WDR72: variants seen among roughly 807,000 people sequenced by gnomAD.
WDR72 encodes WD repeat-containing protein 72.
WDR72 carries 120 observed loss-of-function variants against 124.2 expected under a neutral mutation model. The ratio of observed to expected loss-of-function variants is 0.97; its 90% CI spans 0.83 to 1.12. The LOEUF (loss-of-function observed/expected upper bound fraction) is 1.12, where lower values mean the gene tolerates loss of function less well. Among genes scored for constraint, WDR72 ranks in the 50% most tolerant of loss-of-function variants. The probability of loss-of-function intolerance (pLI) is 0.00; values close to 1 mark genes in which losing one functional copy is unlikely to be tolerated. For missense variants in WDR72, 1,387 were observed against 1,278.8 expected (o/e 1.08, Z -1.29); for synonymous variants, 452 against 441.7 (o/e 1.02, Z -0.29).
At chr15:53,762,153 C>T (rs145333715), upstream of WDR72, among the ~76,000 whole-genome samples, 359 of 152,176 alleles carry the variant, frequency 2.4e-3, 5 homozygotes, top group African/African-American at 8.2e-3. Context: ...TGATATCTGG[C>T]TTCCCAAATA....
At chr15:53,707,343 TAAG>T (rs1483280370) in intron 9 of WDR72, among the ~76,000 whole-genome samples, 1 of 151,986 alleles carries the variant, frequency 6.6e-6, no homozygotes, top group Non-Finnish European at 1.5e-5. Context: ...TCACAGAAAA[TAAG>T]AAACCAATCC....
chr15:53,709,590 A>C lies in WDR72; in HGVS notation c.954+1267T>G, dbSNP rs548723603. Among the ~76,000 whole-genome samples the C allele has an allele frequency of 5.3e-5, 8 of 152,360 alleles. No individual in the cohort carries two copies. The East Asian group carries it at 1.5e-3, about 29-fold the overall frequency. On this transcript the variant is annotated intron_variant, in intron 9 of 19. Transcript: ENST00000360509. ...AAATGCATTCAAAGCTAAGGAGGAA[A>C]GACCAGATCCTTTAAAAAATAACTG... is the stretch of plus-strand genomic sequence containing the variant.
intron 1 of WDR72, among the ~76,000 whole-genome samples, chr15:53,733,499 T>C (rs967053370): frequency 4.6e-5 from 7 of 152,176 alleles, no homozygotes; most frequent in Non-Finnish European, 8.8e-5. Flanking sequence ...TCAAGAAGCA[T>C]AGAGCTGTCT....
intron 18 of WDR72, among the ~76,000 whole-genome samples, chr15:53,582,070 C>T (rs1320750489): frequency 1.3e-5 from 2 of 151,956 alleles, no homozygotes; most frequent in Non-Finnish European, 2.9e-5. Context: ...CCTTCACCCT[C>T]TTCATACAGT....
chr15:53,714,580 A>T (rs1455767506), intron 5 of WDR72, 70 bp from the exon 6 acceptor site: 1 of 1,263,774 alleles, frequency 7.9e-7, no homozygotes, highest in Non-Finnish European at 1.2e-6. Flanking sequence ...ATCATTTCAC[A>T]GTCATTTAAG....
chr15:53,530,400 A>G, intron 18 of WDR72, among the ~76,000 whole-genome samples: 1 of 151,920 alleles, frequency 6.6e-6, no homozygotes, highest in East Asian at 2.0e-4. Context: ...AAGAATGTAT[A>G]GAAACTAATT....
chr15:53,699,595 G>T (rs1200952270), intron 13 of WDR72, among the ~76,000 whole-genome samples, 155 bp downstream of exon 13: 1 of 152,064 alleles, frequency 6.6e-6, no homozygotes, highest in African/African-American at 2.4e-5. Flanking sequence ...GTTTAATTTT[G>T]CACACATGCC....
chr15:53,578,737 TAAAA>T (rs1418738560), intron 18 of WDR72, among the ~76,000 whole-genome samples: 2 of 149,880 alleles, frequency 1.3e-5, no homozygotes, highest in East Asian at 3.9e-4. Flanking sequence ...AAATAAAACT[TAAAA>T]CAAACAAACA....
At chr15:53,688,156 A>ACAGGGATGC (rs1174084995) in intron 13 of WDR72, among the ~76,000 whole-genome samples, 1 of 150,832 alleles carries the variant, frequency 6.6e-6, no homozygotes. Flanking sequence ...GTGGCACAAG[A>ACAGGGATGC]CAGGGATGCC....
intron 2 of WDR72, among the ~76,000 whole-genome samples, chr15:53,726,658 G>A (rs1010957212): frequency 2.0e-5 from 3 of 151,674 alleles, no homozygotes; most frequent in African/African-American, 7.3e-5. Context: ...CCTGGGCAAT[G>A]TAGTGAGACC....
At chr15:53,523,192 C>A in intron 19 of WDR72, 26 bp downstream of exon 19, 1 of 1,603,902 alleles carries the variant, frequency 6.2e-7, no homozygotes, top group Non-Finnish European at 8.5e-7. Flanking sequence ...TCATTTTATA[C>A]TTGACTATTT....
intron 18 of WDR72, among the ~76,000 whole-genome samples, chr15:53,567,993 A>T (rs1595764777): frequency 6.7e-6 from 1 of 150,048 alleles, no homozygotes; most frequent in South Asian, 2.1e-4. Context: ...TGATCATAAC[A>T]AACAGTTGCC....
intron 14 of WDR72, among the ~76,000 whole-genome samples, chr15:53,629,386 T>C (rs538352234): frequency 1.5e-4 from 22 of 151,346 alleles, no homozygotes; most frequent in African/African-American, 5.3e-4. Context: ...ATAAAATCAG[T>C]GCCACAGAAG....
At chr15:53,726,982 G>C (rs2018057747) in intron 2 of WDR72, among the ~76,000 whole-genome samples, 1 of 152,134 alleles carries the variant, frequency 6.6e-6, no homozygotes, top group South Asian at 2.1e-4. Flanking sequence ...AAACATGTAA[G>C]ATCTCCTCAG....
intron 14 of WDR72, among the ~76,000 whole-genome samples, chr15:53,632,457 C>A (rs2014467683): frequency 6.6e-6 from 1 of 152,116 alleles, no homozygotes; most frequent in Non-Finnish European, 1.5e-5. Flanking sequence ...TGAAGAACCT[C>A]TACTAGAGCA....
chr15:53,536,402 G>A (rs1892764896), intron 18 of WDR72, among the ~76,000 whole-genome samples: 1 of 152,106 alleles, frequency 6.6e-6, no homozygotes, highest in African/African-American at 2.4e-5. Context: ...TAGAAAAAGT[G>A]GAAGAGAACT....
intron 1 of WDR72, among the ~76,000 whole-genome samples, chr15:53,752,028 T>C (rs2018787787): frequency 6.6e-6 from 1 of 152,216 alleles, no homozygotes; most frequent in Non-Finnish European, 1.5e-5. Flanking sequence ...TAAATCCTGC[T>C]AAGTAAACAA....
intron 18 of WDR72, among the ~76,000 whole-genome samples, chr15:53,534,518 A>T (rs568846218): frequency 6.6e-6 from 1 of 152,286 alleles, no homozygotes; most frequent in Non-Finnish European, 1.5e-5. Flanking sequence ...CTCAATGTAC[A>T]AGCATAAAAC....
At chr15:53,671,982 A>C (rs1415988214) in intron 13 of WDR72, among the ~76,000 whole-genome samples, 1 of 151,570 alleles carries the variant, frequency 6.6e-6, no homozygotes, top group Non-Finnish European at 1.5e-5. Context: ...AAGGGGAAAG[A>C]GGGAGGGAGA....
Sources: gnomAD v4.1 joint callset for allele counts (sites outside exome capture counted in the v4.1 genomes callset) on GRCh38, gnomAD v4.1.1 for gene constraint, MANE v1.5 for transcripts, NCBI Gene and HGNC (gene_info 2026-07-23, HGNC 2026-07-21) for gene names.